Variants in KANSL1L observed in about 807,000 individuals in gnomAD.
KANSL1L encodes the protein KAT8 regulatory NSL complex subunit 1 like.
Under a neutral mutation model 108.6 loss-of-function variants are expected in KANSL1L, and 25 were observed. The ratio of observed to expected loss-of-function variants is 0.23; its 90% CI spans 0.17 to 0.32. The LOEUF is 0.32. KANSL1L is among the 10% of genes least tolerant of loss of function. The pLI, the probability that KANSL1L is intolerant of heterozygous loss-of-function variation, is 1.00. For synonymous variants in KANSL1L, 405 were observed against 395.1 expected (o/e 1.03, Z -0.30); for missense variants, 1,137 against 1,125.7 (o/e 1.01, Z -0.14).
At chr2:210,047,807 A>G (rs1344411339) in intron 6 of KANSL1L, among the ~76,000 whole-genome samples, 1 of 152,174 alleles carries the variant, frequency 6.6e-6, no homozygotes, top group Non-Finnish European at 1.5e-5. Flanking sequence ...TAGGTTCCAA[A>G]GGATGCGATC....
intron 1 of KANSL1L, among the ~76,000 whole-genome samples, chr2:210,166,907 C>T (rs1354789635): frequency 6.6e-6 from 1 of 152,012 alleles, no homozygotes; most frequent in South Asian, 2.1e-4. Context: ...AAGACAAATT[C>T]TTTTAGCAAA....
At chr2:210,064,347 A>C (rs2094447371) in intron 6 of KANSL1L, 1 of 152,240 alleles carries the variant, frequency 6.6e-6, no homozygotes, top group Non-Finnish European at 1.5e-5. Context: ...AGCTATTATT[A>C]TTTGACATTA....
chr2:210,025,844 A>G (rs2093928954), intron 12 of KANSL1L, among the ~76,000 whole-genome samples: 1 of 152,150 alleles, frequency 6.6e-6, no homozygotes, highest in Admixed American at 6.5e-5. Flanking sequence ...AAAACTTAAA[A>G]ATACTTGTTT....
chr2:210,159,071 C>A (rs992538954), intron 1 of KANSL1L, among the ~76,000 whole-genome samples: 1 of 152,140 alleles, frequency 6.6e-6, no homozygotes, highest in Non-Finnish European at 1.5e-5. Flanking sequence ...CAACAAATAA[C>A]CTGGTGAGAA....
intron 2 of KANSL1L, among the ~76,000 whole-genome samples, chr2:210,145,886 C>T (rs533537548): frequency 3.9e-5 from 6 of 151,988 alleles, no homozygotes; most frequent in Non-Finnish European, 8.8e-5. Context: ...GAGCCAAGGC[C>T]TGGTGTGTGG....
chr2:210,071,661 A>G (rs1286065877), intron 6 of KANSL1L, among the ~76,000 whole-genome samples: 1 of 152,090 alleles, frequency 6.6e-6, no homozygotes, highest in African/African-American at 2.4e-5. Context: ...TAATGACCCA[A>G]TTTCCAAATT....
intron 3 of KANSL1L, among the ~76,000 whole-genome samples, chr2:210,123,656 A>G (rs577300806): frequency 4.4e-4 from 67 of 152,216 alleles, no homozygotes; most frequent in African/African-American, 1.4e-3. Flanking sequence ...GTACATTTAA[A>G]AATAATTAAG....
intron 3 of KANSL1L, among the ~76,000 whole-genome samples, chr2:210,115,864 A>C (rs1236135034): frequency 6.6e-6 from 1 of 152,252 alleles, no homozygotes; most frequent in Non-Finnish European, 1.5e-5. Flanking sequence ...GGGAGGCAGA[A>C]CAAGACGGCT....
chr2:210,058,986 G>C (rs1429460362), intron 6 of KANSL1L, among the ~76,000 whole-genome samples: 1 of 151,844 alleles, frequency 6.6e-6, no homozygotes, highest in Non-Finnish European at 1.5e-5. Context: ...CTGACACTTA[G>C]GGAAAACAGA....
At chr2:210,090,810 G>T (rs1351943622) in intron 5 of KANSL1L, among the ~76,000 whole-genome samples, 1 of 152,142 alleles carries the variant, frequency 6.6e-6, no homozygotes, top group African/African-American at 2.4e-5. Context: ...TGGGATTACA[G>T]GCATGAGCCA....
At chr2:210,168,387 A>G (rs758793221) in intron 1 of KANSL1L, among the ~76,000 whole-genome samples, 3 of 152,106 alleles carry the variant, frequency 2.0e-5, no homozygotes, top group African/African-American at 4.8e-5. Flanking sequence ...CAAGGATTAC[A>G]TATTATTTAT....
rs1018086457 is a variant in KANSL1L, at chr2:210,096,412, A to T, written c.1550+1674T>A. The T allele has an allele frequency of 3.8e-6, 3 of 797,562 alleles. No individual in the cohort carries two copies. In the African/African-American group the frequency reaches 5.6e-5, roughly 15 times the overall value. 49.4% of individuals were successfully genotyped at this position (797,562 alleles called of 1,614,324 possible). On this transcript the variant is annotated intron_variant, in intron 5 of 14. Transcript: ENST00000281772. The stretch of plus-strand genomic sequence containing the variant: ...CTGTCTTCATATTTGTGTCCCTAGG[A>T]CTTGACTATGTGGCATACAATAAAT...
chr2:210,100,810 G>A (rs2094786521), intron 4 of KANSL1L, among the ~76,000 whole-genome samples: 1 of 152,080 alleles, frequency 6.6e-6, no homozygotes, highest in African/African-American at 2.4e-5. Flanking sequence ...GCTACTTTTT[G>A]TATTTTTTGT....
intron 6 of KANSL1L, among the ~76,000 whole-genome samples, chr2:210,073,929 G>A (rs2094525050): frequency 6.6e-6 from 1 of 152,080 alleles, no homozygotes; most frequent in African/African-American, 2.4e-5. Context: ...AGGCCCTGCA[G>A]ATCTGGAAAT....
rs2094205182 is a variant in KANSL1L, at chr2:210,044,743, A to G, written c.1756-639T>C. On this transcript the variant is annotated intron_variant, in intron 6 of 14. Transcript: ENST00000281772. This position sits in a 1 kb window ranked among gnomAD's most constrained non-coding sequence, Gnocchi z 4.2. ...GACTTTTCTTCTGTACTCTATTATA[A>G]AGTGACAAATTGCATTAACAGATTT... 6.6e-6 allele frequency among the ~76,000 whole-genome samples: 1 copy of G among 152,030 alleles called. No homozygotes were observed. Among genetic ancestry groups the G allele is most frequent in the Non-Finnish European group, 1.5e-5 (1 of 68,006 alleles).
intron 2 of KANSL1L, chr2:210,151,323 A>G (rs1040336265): frequency 4.6e-5 from 7 of 152,284 alleles, no homozygotes; most frequent in Admixed American, 4.6e-4. Flanking sequence ...GCCCTGCCCA[A>G]AAGTTTCTTA....
chr2:210,128,865 A>C (rs545094448), intron 3 of KANSL1L, among the ~76,000 whole-genome samples, 166 bp downstream of exon 3: 1 of 152,350 alleles, frequency 6.6e-6, no homozygotes, highest in Admixed American at 6.5e-5. Context: ...AAATACAAAA[A>C]GGCATTACAA....
At chr2:210,102,433 A>G (rs1457216124) in intron 4 of KANSL1L, among the ~76,000 whole-genome samples, 3 of 152,222 alleles carry the variant, frequency 2.0e-5, no homozygotes. Flanking sequence ...AAAACACCAC[A>G]AGCAATGGCA....
intron 2 of KANSL1L, among the ~76,000 whole-genome samples, chr2:210,139,035 G>T (rs1401734824): frequency 6.6e-6 from 1 of 152,122 alleles, no homozygotes; most frequent in Non-Finnish European, 1.5e-5. Flanking sequence ...GGAGGTAGAG[G>T]TTGCAGGGAG....
Sources: gnomAD v4.1 joint callset for allele counts (sites outside exome capture counted in the v4.1 genomes callset) on GRCh38, gnomAD v4.1.1 for gene constraint, Gnocchi (gnomAD v3.1) non-coding constraint, MANE v1.5 for transcripts, NCBI Gene and HGNC (gene_info 2026-07-23, HGNC 2026-07-21) for gene names.